Variants in PCA3 observed in about 807,000 individuals in gnomAD.
PCA3 encodes prostate cancer associated 3.
intron 2 of PCA3, among the ~76,000 whole-genome samples, chr9:76,769,150 G>A (rs186397944): frequency 1.1e-3 from 166 of 152,160 alleles, no homozygotes; most frequent in African/African-American, 3.8e-3. Context: ...GGATCTTATT[G>A]CTTTGCTTTT....
intron 2 of PCA3, among the ~76,000 whole-genome samples, chr9:76,774,468 T>TATTTATTTATTTATTTATTTATTTATTTA (rs1564272983): frequency 6.9e-6 from 1 of 144,528 alleles, no homozygotes; most frequent in African/African-American, 2.5e-5. Flanking sequence ...TTTTTTTTTT[T>TATTTATTTATTTATTTATTTATTTATTTA]TTTTTTTTTG....
rs1276735663 is a variant in PCA3, at chr9:76,766,174, C to T, written n.852+29559C>T. On this transcript the variant is annotated intron_variant and non_coding_transcript_variant, in intron 2 of 5. Coordinates refer to ENST00000644657, the Ensembl canonical transcript of PCA3. ...CTCTAGCCTGGGTGACAGAGCAAGACTCTGCCTCAAAAAAAAAAAAAAAAC... is the reference window on the plus strand; with the variant it reads ...CTCTAGCCTGGGTGACAGAGCAAGATTCTGCCTCAAAAAAAAAAAAAAAAC... Among the ~76,000 whole-genome samples, 5 of 138,054 alleles carry T rather than the reference C, an allele frequency of 3.6e-5. No individual in the cohort carries two copies. The East Asian group carries it at 8.4e-4, about 23-fold the overall frequency. 90.6% of individuals were successfully genotyped at this position (138,054 alleles called of 152,430 possible). A position where few individuals can be genotyped will look rare whatever the true frequency, so the allele number is the denominator to read the frequency against.
At chr9:76,782,555 T>C (rs1346978157) in intron 2 of PCA3, 1 of 152,224 alleles carries the variant, frequency 6.6e-6, no homozygotes, top group Non-Finnish European at 1.5e-5. Flanking sequence ...TGTAAAATCC[T>C]TCAAAGAGTC....
chr9:76,775,115 A>G (rs943635801), intron 2 of PCA3, among the ~76,000 whole-genome samples: 3 of 152,246 alleles, frequency 2.0e-5, no homozygotes, highest in African/African-American at 7.2e-5. Context: ...GAATAGGACC[A>G]GACAGAAAAT....
intron 2 of PCA3, among the ~76,000 whole-genome samples, chr9:76,782,202 A>G (rs2054489289): frequency 6.6e-6 from 1 of 151,926 alleles, no homozygotes; most frequent in African/African-American, 2.4e-5. Context: ...TGACAAAGCG[A>G]GACTCCATCT....
intron 2 of PCA3, chr9:76,787,288 C>T: frequency 6.8e-6 from 1 of 147,918 alleles, no homozygotes; most frequent in Non-Finnish European, 1.5e-5. Context: ...TTTTCTTTTA[C>T]TACTATATTA....
intron 2 of PCA3, among the ~76,000 whole-genome samples, chr9:76,766,143 A>G (rs1316010023): frequency 6.6e-6 from 1 of 151,056 alleles, no homozygotes; most frequent in Non-Finnish European, 1.5e-5. Context: ...AGATTGCGCC[A>G]CTGCACTCTA....
intron 2 of PCA3, among the ~76,000 whole-genome samples, chr9:76,767,459 A>G (rs994069082): frequency 3.3e-5 from 5 of 151,832 alleles, no homozygotes; most frequent in South Asian, 2.1e-4. Context: ...CTCAAAAAAA[A>G]AAAGAAAGAA....
chr9:76,766,875 AC>A (rs1383255128), intron 2 of PCA3, among the ~76,000 whole-genome samples: 2 of 152,068 alleles, frequency 1.3e-5, no homozygotes, highest in African/African-American at 4.8e-5. Context: ...GTCACTGTCA[AC>A]TCATACACAG....
intron 2 of PCA3, among the ~76,000 whole-genome samples, chr9:76,781,388 G>A (rs1343466418): frequency 1.3e-5 from 2 of 152,142 alleles, no homozygotes; most frequent in Non-Finnish European, 2.9e-5. Flanking sequence ...AGTTTCTAAT[G>A]AATTTTCTTT....
chr9:76,779,066 A>T (rs1487171844), intron 2 of PCA3: 1 of 152,236 alleles, frequency 6.6e-6, no homozygotes, highest in Non-Finnish European at 1.5e-5. Context: ...CTTTGAAGAT[A>T]CTATGTTATG....
At chr9:76,769,102 T>G (rs575295068) in intron 2 of PCA3, among the ~76,000 whole-genome samples, 2 of 152,332 alleles carry the variant, frequency 1.3e-5, no homozygotes, top group East Asian at 3.9e-4. Context: ...TTGAGAGATA[T>G]TCTTAGAATC....
chr9:76,782,446 A>G, intron 2 of PCA3, among the ~76,000 whole-genome samples: 1 of 152,208 alleles, frequency 6.6e-6, no homozygotes, highest in East Asian at 1.9e-4. Flanking sequence ...GCCTTGGGAA[A>G]GTTATTCTCT....
intron 2 of PCA3, chr9:76,786,064 T>G (rs1408861425): frequency 1.3e-5 from 2 of 152,330 alleles, no homozygotes; most frequent in East Asian, 3.9e-4. Flanking sequence ...TTGCATTAGG[T>G]CTCAGCTGGG....
At chr9:76,779,064 A>T (rs1246881890) in intron 2 of PCA3, 1 of 152,200 alleles carries the variant, frequency 6.6e-6, no homozygotes, top group Non-Finnish European at 1.5e-5. Context: ...ACCTTTGAAG[A>T]TACTATGTTA....
chr9:76,771,452 G>C (rs963017147), intron 2 of PCA3, among the ~76,000 whole-genome samples: 3 of 152,156 alleles, frequency 2.0e-5, no homozygotes, highest in Non-Finnish European at 2.9e-5. Context: ...CTATGAAGCA[G>C]AGTCCCTGCT....
chr9:76,786,294 T>G (rs189466980), intron 2 of PCA3: 154 of 152,320 alleles, frequency 1.0e-3, no homozygotes, highest in African/African-American at 3.6e-3. Context: ...ATATAAGAAC[T>G]CTGAGTGATA....
intron 2 of PCA3, among the ~76,000 whole-genome samples, chr9:76,777,336 T>C (rs1334649805): frequency 6.6e-6 from 1 of 151,998 alleles, no homozygotes; most frequent in Non-Finnish European, 1.5e-5. Flanking sequence ...AAGAATATAA[T>C]AAGCACAGGA....
intron 2 of PCA3, among the ~76,000 whole-genome samples, chr9:76,774,465 T>TATTTATTATTTATTTATTTATTTA (rs761395945): frequency 7.3e-6 from 1 of 136,864 alleles, no homozygotes; most frequent in African/African-American, 2.8e-5. Context: ...TTTTTTTTTT[T>TATTTATTATTTATTTATTTATTTA]TTTTTTTTTT....
Sources: gnomAD v4.1 joint callset for allele counts (sites outside exome capture counted in the v4.1 genomes callset) on GRCh38, gnomAD v4.1.1 for gene constraint, MANE v1.5 for transcripts, NCBI Gene and HGNC (gene_info 2026-07-23, HGNC 2026-07-21) for gene names.